Variants in PLAC1 observed in about 807,000 individuals in gnomAD.
PLAC1 encodes placenta-specific protein 1.
For synonymous variants in PLAC1, 68 were observed against 62.1 expected, an observed-to-expected ratio of 1.09 and a Z score of -0.44; for missense variants, 136 against 163.2, an observed-to-expected ratio of 0.83 and a Z score of 0.91.
chrX:134,705,274 T>A (rs1293172023), intron 2 of PLAC1, among the ~76,000 whole-genome samples: 1 of 103,675 alleles, frequency 9.6e-6, no homozygotes, highest in African/African-American at 3.5e-5. Context: ...AAAAAGTTAG[T>A]CGGGTGTGGT....
intron 1 of PLAC1, among the ~76,000 whole-genome samples, chrX:134,639,506 CTTCCCACAACTACCCAGT>C (rs759505858): frequency 1.3e-4 from 14 of 111,789 alleles, no homozygotes; most frequent in Non-Finnish European, 2.3e-4. Flanking sequence ...CTAGTCTACC[CTTCCCACAACTACCCAGT>C]TTGTCCACAG....
rs1460697970 is a variant in PLAC1 at position 134,592,805 on chromosome X, G to C, written c.-59+9246C>G. On this transcript the variant is annotated intron_variant, in intron 2 of 2. Coordinates refer to ENST00000359237, the MANE Select transcript of PLAC1 (RefSeq NM_021796.4). Reference sequence around the variant, plus strand: ...GTGACGCGATCTCGGCTCACTGCAAGCTCCACACCTCCCAGGTTCATGCCA... The same window carrying C: ...GTGACGCGATCTCGGCTCACTGCAACCTCCACACCTCCCAGGTTCATGCCA... 4.0e-5 allele frequency among the ~76,000 whole-genome samples: 4 copies of C among 100,050 alleles called. No homozygotes were observed. The East Asian group carries it at 1.3e-3, about 33-fold the overall frequency. 86.9% of individuals were successfully genotyped at this position (100,050 alleles called of 115,157 possible).
intron 1 of PLAC1, among the ~76,000 whole-genome samples, chrX:134,633,262 G>A (rs190344632): frequency 1.7e-3 from 186 of 111,789 alleles, no homozygotes; most frequent in Non-Finnish European, 2.7e-3. Context: ...CAATGGTTTT[G>A]CTGCTCTTAG....
At chrX:134,572,971 G>T (rs1410637812) in intron 2 of PLAC1, among the ~76,000 whole-genome samples, 1 of 111,643 alleles carries the variant, frequency 9.0e-6, no homozygotes, top group Non-Finnish European at 1.9e-5. Context: ...AATAAAGGTT[G>T]CAAAATAAAT....
intron 2 of PLAC1, among the ~76,000 whole-genome samples, chrX:134,589,992 A>G (rs750764317): frequency 4.7e-4 from 50 of 107,032 alleles, no homozygotes; most frequent in South Asian, 8.3e-4. Flanking sequence ...TCAGGAGATC[A>G]AGACCATCCT....
intron 2 of PLAC1, among the ~76,000 whole-genome samples, chrX:134,704,428 G>A (rs2078594204): frequency 9.5e-6 from 1 of 104,775 alleles, no homozygotes; most frequent in African/African-American, 3.5e-5. Context: ...GGGAGGCAGA[G>A]GTTACAGTGA....
chrX:134,721,349 G>A (rs2078656707), intron 2 of PLAC1, among the ~76,000 whole-genome samples: 1 of 110,558 alleles, frequency 9.0e-6, no homozygotes, highest in Non-Finnish European at 1.9e-5. Context: ...ACAGCAGGAG[G>A]ATCACTTGAG....
At chrX:134,585,975 A>G (rs1254219970) in intron 2 of PLAC1, among the ~76,000 whole-genome samples, 1 of 112,332 alleles carries the variant, frequency 8.9e-6, no homozygotes, top group Non-Finnish European at 1.9e-5. Context: ...TCTTCCCCTC[A>G]ACATGCTGTT....
intron 2 of PLAC1, among the ~76,000 whole-genome samples, chrX:134,579,081 C>A (rs1425175674): frequency 9.0e-6 from 1 of 111,111 alleles, no homozygotes; most frequent in African/African-American, 3.3e-5. Context: ...GTATGGATTA[C>A]ATATGGCAAC....
rs560761685 is a variant in PLAC1 at position 134,720,462 on chromosome X, C to CT, written n.174+12972dup. On this transcript the variant is annotated intron_variant and non_coding_transcript_variant, in intron 2 of 2. Transcript: ENST00000466797. ...TAATCTCTAATAAAATCTCAGCTGGCTTTTTTTTTTTTTGGCAGAAATTGA... is the reference window on the plus strand; with the variant it reads ...TAATCTCTAATAAAATCTCAGCTGGCTTTTTTTTTTTTTTGGCAGAAATTGA... 2.0e-3 allele frequency among the ~76,000 whole-genome samples: 195 copies of CT among 97,020 alleles called. 1 individual carries two copies. The South Asian group carries it at 0.034, about 17-fold the overall frequency. 84.3% of individuals were successfully genotyped at this position (97,020 alleles called of 115,157 possible).
intron 1 of PLAC1, among the ~76,000 whole-genome samples, chrX:134,608,720 G>C (rs1305579693): frequency 9.8e-6 from 1 of 102,002 alleles, no homozygotes; most frequent in African/African-American, 3.7e-5. Flanking sequence ...TCTGTCGCCA[G>C]GCTGGAGTGC....
chrX:134,596,303 C>A (rs933804301), intron 2 of PLAC1, among the ~76,000 whole-genome samples: 1 of 112,023 alleles, frequency 8.9e-6, no homozygotes, highest in Non-Finnish European at 1.9e-5. Flanking sequence ...TGTATTATTT[C>A]TTGCTTCTTG....
At chrX:134,697,800 A>C (rs973657988) in intron 2 of PLAC1, among the ~76,000 whole-genome samples, 14 of 111,897 alleles carry the variant, frequency 1.3e-4, no homozygotes, top group Non-Finnish European at 1.9e-4. Context: ...CCGGGGCAGC[A>C]GAGGTTGCAG....
chrX:134,763,987 A>G (rs752453150), intron 1 of PLAC1, among the ~76,000 whole-genome samples: 1 of 111,447 alleles, frequency 9.0e-6, no homozygotes, highest in East Asian at 2.8e-4. Flanking sequence ...TCCACACACC[A>G]CTGTGACCCA....
chrX:134,589,967 G>T (rs940811445), intron 2 of PLAC1, among the ~76,000 whole-genome samples: 3 of 110,429 alleles, frequency 2.7e-5, no homozygotes, highest in Non-Finnish European at 5.7e-5. Context: ...AGGCCAAGGT[G>T]GGCGGATCAC....
chrX:134,656,776 G>A (rs966096278), intron 1 of PLAC1, among the ~76,000 whole-genome samples: 4 of 110,890 alleles, frequency 3.6e-5, no homozygotes, highest in Middle Eastern at 4.6e-3. Flanking sequence ...TTGTAGAGAC[G>A]GTGTCTCCCT....
At chrX:134,597,225 C>T (rs2078066188) in intron 2 of PLAC1, among the ~76,000 whole-genome samples, 1 of 111,457 alleles carries the variant, frequency 9.0e-6, no homozygotes, top group South Asian at 3.8e-4. Flanking sequence ...TTGTTATATA[C>T]TCAAGTTCAC....
At chrX:134,708,336 A>C (rs867996498) in intron 2 of PLAC1, among the ~76,000 whole-genome samples, 51 of 111,603 alleles carry the variant, frequency 4.6e-4, no homozygotes, top group South Asian at 1.1e-3. Flanking sequence ...AACTTGCATG[A>C]ATCTCCAGGG....
At chrX:134,609,198 G>A (rs1339293233) in intron 1 of PLAC1, among the ~76,000 whole-genome samples, 2 of 111,467 alleles carry the variant, frequency 1.8e-5, no homozygotes, top group African/African-American at 3.3e-5. Flanking sequence ...CCTGGAAAGC[G>A]CATGCACACA....
Sources: gnomAD v4.1 joint callset for allele counts (sites outside exome capture counted in the v4.1 genomes callset) on GRCh38, gnomAD v4.1.1 for gene constraint, MANE v1.5 for transcripts, NCBI Gene and HGNC (gene_info 2026-07-23, HGNC 2026-07-21) for gene names.